Variants in ERBB4 observed in about 807,000 individuals in gnomAD.
ERBB4 encodes the protein receptor tyrosine-protein kinase erbB-4.
ERBB4 carries 42 observed loss-of-function variants against 158.0 expected under a neutral mutation model. The ratio of observed to expected loss-of-function variants is 0.27; its 90% CI spans 0.21 to 0.34. The LOEUF (loss-of-function observed/expected upper bound fraction) is 0.34, where lower values mean the gene tolerates loss of function less well. Ranked by LOEUF, ERBB4 falls within the 10% of genes least tolerant of loss-of-function variation. The probability of loss-of-function intolerance (pLI) is 1.00; values close to 1 mark genes in which losing one functional copy is unlikely to be tolerated. For missense variants in ERBB4, 1,333 were observed against 1,624.1 expected, an observed-to-expected ratio of 0.82 and a Z score of 3.08; for synonymous variants, 583 against 558.7, an observed-to-expected ratio of 1.04 and a Z score of -0.61.
At chr2:212,301,549 T>C (rs940736405) in intron 1 of ERBB4, among the ~76,000 whole-genome samples, 4 of 151,422 alleles carry the variant, frequency 2.6e-5, no homozygotes, top group Non-Finnish European at 5.9e-5. Context: ...TGACCAGTCA[T>C]CCTGCTAGGT....
At chr2:211,902,152 T>C (rs1381554309) in intron 3 of ERBB4, among the ~76,000 whole-genome samples, 1 of 152,140 alleles carries the variant, frequency 6.6e-6, no homozygotes, top group Non-Finnish European at 1.5e-5. Flanking sequence ...CATTGTACTA[T>C]ACATGCTTCT....
intron 1 of ERBB4, among the ~76,000 whole-genome samples, chr2:212,403,502 C>T (rs988641455): frequency 7.2e-5 from 11 of 151,936 alleles, no homozygotes; most frequent in African/African-American, 2.2e-4. Flanking sequence ...CCTAAATATA[C>T]GTTGCCAAGT....
chr2:211,992,195 C>G (rs1456777604), intron 2 of ERBB4, among the ~76,000 whole-genome samples: 1 of 151,968 alleles, frequency 6.6e-6, no homozygotes. Flanking sequence ...CAAAACACAC[C>G]AGAGACTGGG....
chr2:211,869,265 G>A (rs1403669510), intron 3 of ERBB4, among the ~76,000 whole-genome samples: 1 of 152,182 alleles, frequency 6.6e-6, no homozygotes, highest in Non-Finnish European at 1.5e-5. Context: ...GTTTTTAACA[G>A]TTAGCAGACA....
intron 16 of ERBB4, among the ~76,000 whole-genome samples, chr2:211,635,361 G>A (rs752949501): frequency 1.3e-5 from 2 of 152,132 alleles, no homozygotes; most frequent in African/African-American, 2.4e-5. Context: ...ATTTCATTTA[G>A]AAATTCAGAG....
chr2:211,641,313 G>A (rs181488628), intron 16 of ERBB4, among the ~76,000 whole-genome samples: 2 of 151,756 alleles, frequency 1.3e-5, no homozygotes, highest in African/African-American at 2.4e-5. Context: ...CATTTTATGC[G>A]GTTTCACTTA....
Position 212,480,687 on chromosome 2 carries a change from T to C in ERBB4, c.82+57762A>G, listed in dbSNP as rs1574999713. ...GCAAACAAGCAAGCCATATGTGCTG[T>C]TGGCAACATTGACACACTGTACAGT... On this transcript the variant is annotated intron_variant, in intron 1 of 27. Coordinates refer to ENST00000342788, the MANE Select transcript of ERBB4 (RefSeq NM_005235.3). Among the ~76,000 whole-genome samples the C allele has an allele frequency of 2.0e-5, 3 of 152,330 alleles. No individual in the cohort carries two copies. The South Asian group carries it at 6.2e-4, about 32-fold the overall frequency.
At chr2:211,722,570 A>C (rs373129189) in intron 6 of ERBB4, 36 bp from the exon 7 acceptor site, 73 of 1,607,788 alleles carry the variant, frequency 4.5e-5, no homozygotes, top group Non-Finnish European at 5.8e-5. Context: ...ATTTACAAAT[A>C]AACTCATAAT....
chr2:211,424,301 C>G lies in ERBB4; in HGVS notation c.2720G>C (p.Gly907Ala), dbSNP rs905615345. ...GGTCATCAGTTCCCATATAGTAACT[C>G]CTATATTGGAGAAAAAATTCTTACT... is the stretch of plus-strand genomic sequence containing the variant. Reference protein sequence around the residue: ...FTHQSDVWSYGVTIWELMTFG... With the variant: ...FTHQSDVWSYAVTIWELMTFG... Residue 907 changes from glycine to alanine, a missense_variant and splice_region_variant, in exon 23 of 28, where the codon GGA becomes GCA. Gly to Ala is a moderately conservative substitution (Grantham distance 60). Transcript: ENST00000342788. The G allele has an allele frequency of 1.2e-6, 2 of 1,608,966 alleles. No homozygotes were observed. The highest frequency in any genetic ancestry group is 3.3e-5 in the Admixed American group (2 of 59,760).
At chr2:212,492,121 C>T (rs1690312813) in intron 1 of ERBB4, among the ~76,000 whole-genome samples, 2 of 151,288 alleles carry the variant, frequency 1.3e-5, no homozygotes, top group Admixed American at 1.3e-4. Flanking sequence ...CTTATAAAAA[C>T]AAATATAAAA....
At chr2:211,391,680 C>A (rs1004905043) in intron 25 of ERBB4, among the ~76,000 whole-genome samples, 86 of 152,210 alleles carry the variant, frequency 5.7e-4, no homozygotes, top group African/African-American at 2.1e-3. Context: ...GTATTAAATG[C>A]ACTTTTAAAT....
chr2:212,194,065 T>C (rs2082352040), intron 1 of ERBB4, among the ~76,000 whole-genome samples: 1 of 152,062 alleles, frequency 6.6e-6, no homozygotes, highest in Non-Finnish European at 1.5e-5. Context: ...ATTTAAGATG[T>C]CTCTTGCATT....
intron 1 of ERBB4, among the ~76,000 whole-genome samples, chr2:212,502,960 G>A (rs1329801068): frequency 6.6e-6 from 1 of 151,888 alleles, no homozygotes; most frequent in Non-Finnish European, 1.5e-5. Context: ...ACAGGGTTTT[G>A]GCATGTTGCC....
intron 20 of ERBB4, among the ~76,000 whole-genome samples, chr2:211,501,679 C>A (rs573957837): frequency 6.6e-6 from 1 of 151,944 alleles, no homozygotes; most frequent in Admixed American, 6.5e-5. Context: ...AATTACAATG[C>A]ATATAACCTC....
chr2:211,684,059 A>C (rs1436660163), intron 12 of ERBB4, among the ~76,000 whole-genome samples: 1 of 152,172 alleles, frequency 6.6e-6, no homozygotes, highest in Admixed American at 6.5e-5. Context: ...TTTGCTATTT[A>C]GTGCTACTTT....
chr2:212,040,801 G>A (rs182034705), intron 2 of ERBB4, among the ~76,000 whole-genome samples: 18 of 152,120 alleles, frequency 1.2e-4, no homozygotes, highest in Admixed American at 1.1e-3. Context: ...TGCTTCATGG[G>A]CTTTTCACTG....
intron 1 of ERBB4, among the ~76,000 whole-genome samples, chr2:212,291,090 T>C (rs930803596): frequency 6.6e-6 from 1 of 152,120 alleles, no homozygotes; most frequent in African/African-American, 2.4e-5. Flanking sequence ...GTAGGGAACT[T>C]ACTATGGGAA....
At chr2:211,411,117 C>T (rs905216410) in intron 25 of ERBB4, among the ~76,000 whole-genome samples, 2 of 152,158 alleles carry the variant, frequency 1.3e-5, no homozygotes, top group Non-Finnish European at 2.9e-5. Context: ...CCATGTTGGC[C>T]AGGATGGTCT....
chr2:211,663,821 C>G (rs906670978), intron 15 of ERBB4, among the ~76,000 whole-genome samples: 4 of 152,046 alleles, frequency 2.6e-5, no homozygotes, highest in African/African-American at 9.7e-5. Context: ...ATAAAATTCT[C>G]TTGTGGATGA....
Sources: gnomAD v4.1 joint callset for allele counts (sites outside exome capture counted in the v4.1 genomes callset) on GRCh38, gnomAD v4.1.1 for gene constraint, MANE v1.5 for transcripts, NCBI Gene and HGNC (gene_info 2026-07-23, HGNC 2026-07-21) for gene names.